The following FOCAD variants were observed in gnomAD, a reference collection of about 807,000 sequenced individuals.
FOCAD encodes KIAA1797.
In FOCAD, 198 loss-of-function variants were observed where a neutral mutation model predicts 225.6. That is an observed-to-expected ratio of 0.88 (90% CI 0.78 to 0.99). The LOEUF (loss-of-function observed/expected upper bound fraction) is 0.99, where lower values mean the gene tolerates loss of function less well. Ranked by LOEUF, FOCAD falls within the 50% of genes least tolerant of loss-of-function variation. FOCAD has a pLI of 0.00. For synonymous variants in FOCAD, 897 were observed against 755.0 expected, an observed-to-expected ratio of 1.19 and a Z score of -3.08; for missense variants, 2,713 against 2,123.6, an observed-to-expected ratio of 1.28 and a Z score of -5.46.
At position 20,867,032 on chromosome 9, in the gene FOCAD, C is replaced by G. The variant is rs777069707; in HGVS notation, c.2190+20C>G. 1 of 1,488,940 alleles carries G rather than the reference C, an allele frequency of 6.7e-7. No individual in the cohort carries two copies. The highest frequency in any genetic ancestry group is 1.2e-5 in the South Asian group (1 of 84,538). The allele number at this position is 1,488,940 out of a possible 1,614,324, so 92.2% of individuals were successfully genotyped here. A position where few individuals can be genotyped will look rare whatever the true frequency, so the allele number is the denominator to read the frequency against. On this transcript the variant is annotated intron_variant, in intron 18 of 43. Transcript: ENST00000338382. ...GAAAAGGTAGGCATATCTGCTTTCT[C>G]ACTGGTATTTCTTAATTTGCTAGGG...
At position 20,866,917 on chromosome 9, in the gene FOCAD, T is replaced by TTTTTTTTTTTTTTA. The variant is rs1587447724; in HGVS notation, c.2107-12_2107-11insTTTTTTTTTTTTTA. 4 of 764,928 alleles carry TTTTTTTTTTTTTTA rather than the reference T, an allele frequency of 5.2e-6. No homozygotes were observed. Among genetic ancestry groups the TTTTTTTTTTTTTTA allele is most frequent in the Non-Finnish European group, 6.0e-6 (3 of 498,494 alleles). The allele number at this position is 764,928 out of a possible 1,614,324, so 47.4% of individuals were successfully genotyped here. A position where few individuals can be genotyped will look rare whatever the true frequency, so the allele number is the denominator to read the frequency against. On this transcript the variant is annotated splice_polypyrimidine_tract_variant and intron_variant, in intron 17 of 43. Coordinates refer to ENST00000338382, the MANE Select transcript of FOCAD (RefSeq NM_001375567.1). Reference sequence around the variant, plus strand: ...TTTTTTTTTTTTTTTTTTTTTTTTTTACCCTATCTAGGACCCAATTGTAGC... The same window carrying TTTTTTTTTTTTTTA: ...TTTTTTTTTTTTTTTTTTTTTTTTTTTTTTTTTTTTTTTAACCCTATCTAGGACCCAATTGTAGC...
At chr9:20,761,712 G>C (rs576191021) in intron 6 of FOCAD, among the ~76,000 whole-genome samples, 4 of 152,242 alleles carry the variant, frequency 2.6e-5, no homozygotes, top group Non-Finnish European at 2.9e-5. Context: ...GAGCCACCGT[G>C]CCTGGCCCAA....
At chr9:20,764,534 C>T (rs1054430770) in intron 6 of FOCAD, among the ~76,000 whole-genome samples, 25 of 152,138 alleles carry the variant, frequency 1.6e-4, no homozygotes, top group Non-Finnish European at 2.4e-4. Flanking sequence ...TTTTTATAGG[C>T]GTGAGCCTCC....
At chr9:20,728,245 C>G (rs1340775672) in intron 4 of FOCAD, among the ~76,000 whole-genome samples, 1 of 152,112 alleles carries the variant, frequency 6.6e-6, no homozygotes, top group African/African-American at 2.4e-5. Context: ...AGAAGTGTTT[C>G]AGATTTTATG....
At chr9:20,776,896 A>G (rs900959191) in intron 8 of FOCAD, among the ~76,000 whole-genome samples, 3 of 152,182 alleles carry the variant, frequency 2.0e-5, no homozygotes, top group Non-Finnish European at 2.9e-5. Context: ...AGAGGAAGGT[A>G]TAGCAAAGAA....
intron 27 of FOCAD, among the ~76,000 whole-genome samples, chr9:20,932,407 G>T (rs1484303016): frequency 6.6e-6 from 1 of 152,076 alleles, no homozygotes; most frequent in African/African-American, 2.4e-5. Flanking sequence ...TGCCTGGAGG[G>T]ACAACCATAG....
intron 15 of FOCAD, among the ~76,000 whole-genome samples, chr9:20,826,788 C>T (rs1193071112): frequency 2.0e-5 from 3 of 152,032 alleles, no homozygotes; most frequent in South Asian, 2.1e-4. Context: ...TGGTTACTCC[C>T]GGGCTTGTTT....
At chr9:20,705,133 A>G (rs1056609775) in intron 1 of FOCAD, among the ~76,000 whole-genome samples, 2 of 152,218 alleles carry the variant, frequency 1.3e-5, no homozygotes, top group Admixed American at 6.5e-5. Context: ...TAATACATGT[A>G]AAATGCTTAG....
chr9:20,707,934 TAGAG>T (rs932162821), intron 1 of FOCAD, among the ~76,000 whole-genome samples: 5 of 152,142 alleles, frequency 3.3e-5, no homozygotes, highest in East Asian at 1.9e-4. Flanking sequence ...TGCCTGATCT[TAGAG>T]AGGGTACATG....
chr9:20,970,216 T>C (rs1839645873), intron 35 of FOCAD, among the ~76,000 whole-genome samples: 1 of 152,114 alleles, frequency 6.6e-6, no homozygotes, highest in Non-Finnish European at 1.5e-5. Flanking sequence ...TTGTTGAGCT[T>C]CTTGAATGTA....
intron 1 of FOCAD, among the ~76,000 whole-genome samples, chr9:20,708,250 A>G (rs916205318): frequency 4.6e-5 from 7 of 152,214 alleles, no homozygotes; most frequent in African/African-American, 1.7e-4. Flanking sequence ...GTTTAAAAGT[A>G]TGGTTTTAGG....
rs887573303 is a variant in FOCAD, at chr9:20,912,773, A to G, written c.2719-93A>G. ...GTCTTACCCAGAACACTTAAGGCCA[A>G]ATGGAAAAGGATATATCTGTGTTTT... On this transcript the variant is annotated intron_variant, in intron 22 of 43. Coordinates refer to ENST00000338382, the MANE Select transcript of FOCAD (RefSeq NM_001375567.1). The G allele has an allele frequency of 1.4e-5, 14 of 1,011,284 alleles. No homozygotes were observed. In the Admixed American group the frequency reaches 1.9e-4, roughly 14 times the overall value. The allele number at this position is 1,011,284 out of a possible 1,614,324, so 62.6% of individuals were successfully genotyped here.
chr9:20,833,561 T>C (rs1214153104), intron 15 of FOCAD, among the ~76,000 whole-genome samples: 1 of 152,098 alleles, frequency 6.6e-6, no homozygotes, highest in Non-Finnish European at 1.5e-5. Flanking sequence ...AGTTAGAAGC[T>C]TCCTTTAGAT....
At chr9:20,965,307 C>G (rs982149505) in intron 35 of FOCAD, among the ~76,000 whole-genome samples, 2 of 152,126 alleles carry the variant, frequency 1.3e-5, no homozygotes, top group African/African-American at 4.8e-5. Flanking sequence ...ATGATTCTGA[C>G]TTCAACTGAC....
In FOCAD at chr9:20,867,007, GA is replaced by G; in HGVS notation, c.2189del (p.Lys730ArgfsTer2). On this transcript the variant is annotated frameshift_variant, in exon 18 of 44. Transcript: ENST00000338382. LOFTEE classifies it high-confidence loss of function. ...AGAACACACCATTCTTCATCTGCCT[GA>G]AAAGGTAGGCATATCTGCTTTCTCA... ...AGEHTILHLP[E>X]KIRPEIPIPE... 6.6e-7 allele frequency: 1 copy of G among 1,526,562 alleles called. No individual in the cohort carries two copies. 94.6% of individuals were successfully genotyped at this position (1,526,562 alleles called of 1,614,324 possible).
rs781242155 is a variant in FOCAD at position 20,988,333 on chromosome 9, C to T, written c.4908C>T (p.Gly1636=). Residue 1636 remains glycine (G), a splice_region_variant and synonymous_variant, in exon 41 of 44, where the codon GGC becomes GGT. Coordinates refer to ENST00000338382, the MANE Select transcript of FOCAD (RefSeq NM_001375567.1). ...AAGAAAATACCCTTTTCATTTCAGG[C>T]GTTTTGAAGAGAATGGAGTGGCTCT... ...QARIVSHANT[G]VLKRMEWLLE... is the part of the protein sequence containing the mutation. 1.4e-5 allele frequency: 22 copies of T among 1,588,484 alleles called. No individual in the cohort carries two copies. Among genetic ancestry groups the T allele is most frequent in the South Asian group, 7.9e-5 (7 of 88,888 alleles).
At chr9:20,980,908 C>T (rs1049102397) in intron 37 of FOCAD, among the ~76,000 whole-genome samples, 1 of 152,142 alleles carries the variant, frequency 6.6e-6, no homozygotes, top group African/African-American at 2.4e-5. Context: ...TCTACGTGCT[C>T]AGCTGGTGGT....
intron 11 of FOCAD, among the ~76,000 whole-genome samples, chr9:20,808,790 A>G (rs117594143): frequency 1.3e-5 from 2 of 152,164 alleles, no homozygotes; most frequent in Non-Finnish European, 2.9e-5. Flanking sequence ...CGGCTTAGCT[A>G]CTTCCTACTC....
At chr9:20,967,313 A>T (rs1207341770) in intron 35 of FOCAD, among the ~76,000 whole-genome samples, 3 of 152,044 alleles carry the variant, frequency 2.0e-5, no homozygotes, top group African/African-American at 7.3e-5. Context: ...TTTCTTTTTC[A>T]GATTATTCAC....
Sources: allele counts gnomAD v4.1 joint callset (sites outside exome capture counted in the v4.1 genomes callset), GRCh38; gene constraint gnomAD v4.1.1; transcripts MANE v1.5; gene names NCBI Gene and HGNC (gene_info 2026-07-23, HGNC 2026-07-21).